ATG7: variants seen among roughly 807,000 people sequenced by gnomAD.
ATG7 encodes autophagy related 7.
In ATG7, 70 loss-of-function variants were observed where a neutral mutation model predicts 82.4. The observed-to-expected ratio is 0.85, with a 90% confidence interval of 0.70 to 1.04. The LOEUF (loss-of-function observed/expected upper bound fraction) is 1.04. Among genes scored for constraint, ATG7 ranks in the 50% least tolerant of loss-of-function variants. The pLI, the probability that ATG7 is intolerant of heterozygous loss-of-function variation, is 0.00. For synonymous variants in ATG7, 287 were observed against 313.0 expected, an observed-to-expected ratio of 0.92 and a Z score of 0.88; for missense variants, 792 against 864.3, an observed-to-expected ratio of 0.92 and a Z score of 1.05.
chr3:11,381,099 A>T (rs1200165034), intron 19 of ATG7, among the ~76,000 whole-genome samples: 1 of 152,232 alleles, frequency 6.6e-6, no homozygotes, highest in Non-Finnish European at 1.5e-5. Flanking sequence ...AAGTAAACTA[A>T]GCCTGTTTTA....
intron 7 of ATG7, among the ~76,000 whole-genome samples, chr3:11,309,666 A>G (rs1055573620): frequency 1.3e-5 from 2 of 152,136 alleles, no homozygotes; most frequent in African/African-American, 4.8e-5. Flanking sequence ...CCAGCTATGC[A>G]TGCATGCGCG....
intron 20 of ATG7, among the ~76,000 whole-genome samples, chr3:11,500,795 T>C (rs973286925): frequency 4.6e-5 from 7 of 152,176 alleles, no homozygotes; most frequent in Non-Finnish European, 7.3e-5. Flanking sequence ...CACACCCAGC[T>C]AATTTTTGTA....
intron 19 of ATG7, among the ~76,000 whole-genome samples, chr3:11,426,042 G>A (rs995925924): frequency 1.3e-5 from 2 of 152,160 alleles, no homozygotes; most frequent in Admixed American, 1.3e-4. Flanking sequence ...ATGGTTTCTA[G>A]TTTTGGGCTA....
chr3:11,444,859 AT>A (rs1407061595), intron 20 of ATG7, among the ~76,000 whole-genome samples: 2 of 106,382 alleles, frequency 1.9e-5, no homozygotes, highest in Non-Finnish European at 4.2e-5. Context: ...ATTTAGACAA[AT>A]TTACAAGGAA....
chr3:11,318,453 A>G (rs771921858), intron 9 of ATG7, among the ~76,000 whole-genome samples: 7 of 152,216 alleles, frequency 4.6e-5, no homozygotes, highest in Non-Finnish European at 8.8e-5. Context: ...ATCTTATTCT[A>G]GGAAAGATCA....
intron 20 of ATG7, among the ~76,000 whole-genome samples, chr3:11,519,812 C>T (rs535755821): frequency 3.3e-5 from 5 of 152,060 alleles, no homozygotes; most frequent in South Asian, 4.2e-4. Flanking sequence ...CCGCCCACCT[C>T]GGCCTCCCAA....
intron 18 of ATG7, among the ~76,000 whole-genome samples, chr3:11,367,507 G>C (rs1369545213): frequency 6.6e-6 from 1 of 152,154 alleles, no homozygotes; most frequent in Non-Finnish European, 1.5e-5. Context: ...GTAATTTGGA[G>C]AAAGTTCCTT....
intron 20 of ATG7, among the ~76,000 whole-genome samples, chr3:11,437,601 T>C (rs1188131055): frequency 6.6e-6 from 1 of 152,124 alleles, no homozygotes; most frequent in Non-Finnish European, 1.5e-5. Context: ...AGCTTGAAAA[T>C]TCCCAAATAT....
intron 20 of ATG7, among the ~76,000 whole-genome samples, chr3:11,498,546 T>G (rs2091047344): frequency 1.3e-5 from 2 of 152,090 alleles, no homozygotes; most frequent in African/African-American, 4.8e-5. Context: ...AAAACATTGG[T>G]TTTCACCGTG....
chr3:11,441,437 T>C (rs1404640878), intron 20 of ATG7, among the ~76,000 whole-genome samples: 1 of 151,786 alleles, frequency 6.6e-6, no homozygotes, highest in East Asian at 1.9e-4. Context: ...AGAGACAAGG[T>C]TTCAGCATCT....
intron 20 of ATG7, among the ~76,000 whole-genome samples, chr3:11,451,094 A>G (rs775671961): frequency 1.3e-5 from 2 of 152,242 alleles, no homozygotes; most frequent in Non-Finnish European, 2.9e-5. Context: ...AATGAAAAAG[A>G]CATTGGATGC....
At chr3:11,575,707 A>T in the ATG7 span, among the ~76,000 whole-genome samples, 8 of 152,348 alleles carry the variant, frequency 5.3e-5, no homozygotes, top group African/African-American at 1.7e-4. Flanking sequence ...GGAAGTCTCC[A>T]TCTTTCCATT....
At chr3:11,282,987 A>C (rs889164494) in intron 3 of ATG7, among the ~76,000 whole-genome samples, 1 of 152,188 alleles carries the variant, frequency 6.6e-6, no homozygotes, top group Non-Finnish European at 1.5e-5. Context: ...CAGCTGGGAA[A>C]ATGAGAATAG....
chr3:11,294,470 G>A (rs1488132326), intron 3 of ATG7, among the ~76,000 whole-genome samples: 1 of 151,970 alleles, frequency 6.6e-6, no homozygotes, highest in Non-Finnish European at 1.5e-5. Flanking sequence ...GCGATCCCCC[G>A]CTTTGGCCTC....
At chr3:11,286,805 ATGT>A (rs1944145720) in intron 3 of ATG7, among the ~76,000 whole-genome samples, 1 of 151,608 alleles carries the variant, frequency 6.6e-6, no homozygotes, top group African/African-American at 2.4e-5. Context: ...AATGTTGCCC[ATGT>A]TGCCCAGGCT....
intron 19 of ATG7, among the ~76,000 whole-genome samples, chr3:11,416,745 T>TG (rs1216177749): frequency 4.6e-5 from 7 of 152,188 alleles, no homozygotes; most frequent in African/African-American, 1.7e-4. Context: ...TTCTGCTTAC[T>TG]GTGGATTTAA....
intron 20 of ATG7, among the ~76,000 whole-genome samples, chr3:11,509,894 T>C (rs961342544): frequency 2.2e-4 from 34 of 152,320 alleles, no homozygotes; most frequent in African/African-American, 7.9e-4. Context: ...CTGGGTCTTG[T>C]GATTCAGCCC....
intron 18 of ATG7, among the ~76,000 whole-genome samples, chr3:11,365,823 A>G (rs2076567644): frequency 6.6e-6 from 1 of 152,176 alleles, no homozygotes; most frequent in African/African-American, 2.4e-5. Context: ...AGTCTGACAA[A>G]TGTTCTTTCA....
At chr3:11,455,901 A>G (rs1576537775) in intron 20 of ATG7, among the ~76,000 whole-genome samples, 1 of 152,342 alleles carries the variant, frequency 6.6e-6, no homozygotes, top group East Asian at 1.9e-4. Flanking sequence ...CTTTCAAACC[A>G]TCTAAGCCAG....
Sources: gnomAD v4.1 joint callset for allele counts (sites outside exome capture counted in the v4.1 genomes callset) on GRCh38, gnomAD v4.1.1 for gene constraint, MANE v1.5 for transcripts, NCBI Gene and HGNC (gene_info 2026-07-23, HGNC 2026-07-21) for gene names.